CFAP44: variants seen among roughly 807,000 people sequenced by gnomAD.
CFAP44 encodes cilia and flagella associated protein 44.
CFAP44 carries 134 observed loss-of-function variants against 216.2 expected under a neutral mutation model. That is an observed-to-expected ratio of 0.62 (90% CI 0.54 to 0.72). The LOEUF is 0.72. Among genes scored for constraint, CFAP44 ranks in the 30% least tolerant of loss-of-function variants. The pLI, the probability that CFAP44 is intolerant of heterozygous loss-of-function variation, is 0.00. For synonymous variants in CFAP44, 700 were observed against 727.6 expected (o/e 0.96, Z 0.61); for missense variants, 2,035 against 2,182.1 (o/e 0.93, Z 1.34).
chr3:113,354,481 T>A (rs1950476289), intron 22 of CFAP44, among the ~76,000 whole-genome samples: 1 of 152,332 alleles, frequency 6.6e-6, no homozygotes, highest in East Asian at 1.9e-4. Context: ...CCTTTAGGAC[T>A]GTGGGTTGCA....
intron 28 of CFAP44, among the ~76,000 whole-genome samples, chr3:113,317,016 T>A (rs1021377910): frequency 6.6e-6 from 1 of 151,610 alleles, no homozygotes; most frequent in Non-Finnish European, 1.5e-5. Context: ...CAAGAGTGAA[T>A]TGAGAGGCAA....
intron 9 of CFAP44, 150 bp from the exon 10 acceptor site, chr3:113,401,889 C>G (rs972390755): frequency 1.4e-5 from 11 of 760,770 alleles, no homozygotes; most frequent in Non-Finnish European, 1.8e-5. Flanking sequence ...GAACACCAGC[C>G]AAAACCTGAC....
intron 22 of CFAP44, among the ~76,000 whole-genome samples, chr3:113,348,871 G>C (rs6781849): frequency 0.018 from 2,818 of 152,334 alleles, 96 homozygotes; most frequent in African/African-American, 0.064. Context: ...CTCACTTGGA[G>C]AGATGTCATG....
chr3:113,422,136 A>G (rs1934834109), intron 4 of CFAP44, among the ~76,000 whole-genome samples: 1 of 152,232 alleles, frequency 6.6e-6, no homozygotes, highest in East Asian at 1.9e-4. Flanking sequence ...TATGAAAAAA[A>G]CTAGAGCTGA....
intron 8 of CFAP44, among the ~76,000 whole-genome samples, chr3:113,406,400 G>A (rs930025183): frequency 3.3e-5 from 5 of 152,076 alleles, no homozygotes; most frequent in African/African-American, 7.2e-5. Flanking sequence ...CGAGGTGGGC[G>A]GATCACGAGG....
chr3:113,353,453 TACACACACAC>T (rs34714015), intron 22 of CFAP44, among the ~76,000 whole-genome samples: 6,461 of 141,784 alleles, frequency 0.046, 236 homozygotes, highest in Non-Finnish European at 0.051. Context: ...TATGTATGAA[TACACACACAC>T]ACACACACAC....
chr3:113,393,682 A>AT (rs147992303), intron 15 of CFAP44, among the ~76,000 whole-genome samples: 4,348 of 152,128 alleles, frequency 0.029, 110 homozygotes, highest in East Asian at 0.1. Flanking sequence ...TACCTGGCTA[A>AT]TTTTTGTATT....
chr3:113,353,909 A>G (rs7648620), intron 22 of CFAP44, among the ~76,000 whole-genome samples: 14,158 of 152,146 alleles, frequency 0.093, 884 homozygotes, highest in African/African-American at 0.17. Context: ...AAAGGAACAG[A>G]CAGAATAATC....
intron 5 of CFAP44, among the ~76,000 whole-genome samples, chr3:113,418,047 A>G (rs1481742856): frequency 7.5e-6 from 1 of 133,240 alleles, no homozygotes; most frequent in Non-Finnish European, 1.6e-5. Context: ...TTAATTATTT[A>G]TTGAGACACA....
intron 22 of CFAP44, among the ~76,000 whole-genome samples, chr3:113,352,502 G>A (rs1950454564): frequency 6.6e-6 from 1 of 152,160 alleles, no homozygotes; most frequent in South Asian, 2.1e-4. Flanking sequence ...AACACAACAT[G>A]AAGGAAAATA....
intron 18 of CFAP44, among the ~76,000 whole-genome samples, chr3:113,371,824 C>T (rs374184902): frequency 6.6e-6 from 1 of 152,070 alleles, no homozygotes; most frequent in East Asian, 1.9e-4. Flanking sequence ...TTGCAATCTA[C>T]CCATCTGACA....
At chr3:113,413,513 T>TA (rs1317868971) in intron 6 of CFAP44, among the ~76,000 whole-genome samples, 1 of 152,252 alleles carries the variant, frequency 6.6e-6, no homozygotes, top group African/African-American at 2.4e-5. Context: ...ATTTTACATT[T>TA]AAGTCTTTAA....
Position 113,305,110 on chromosome 3 carries a change from G to A in CFAP44, c.4801C>T (p.Leu1601=), listed in dbSNP as rs1949972691. 6.5e-7 allele frequency: 1 copy of A among 1,537,250 alleles called. No individual in the cohort carries two copies. Among genetic ancestry groups the A allele is most frequent in the South Asian group, 1.2e-5 (1 of 84,058 alleles). ...TGCTTCTCTCGCTGATAAGCCTCCA[G>A]GGCCTCCTCTGCTGCATTCAGATTA... ...ATNLNAAEEA[L]EAYQREKQQR... is the part of the protein sequence containing the mutation. Residue 1601 remains leucine, a synonymous_variant, in exon 31 of 35, where the codon CTG becomes TTG. Transcript: ENST00000393845.
In CFAP44 at chr3:113,363,160, C is replaced by T; in HGVS notation, c.2919G>A (p.Met973Ile). The change falls in exon 21 of 35, where the codon ATG becomes ATA. Residue 973 changes from methionine to isoleucine, a missense_variant. Physicochemically the swap from Met to Ile is conservative, Grantham distance 10. Around this residue, in one of 3 missense-constraint regions of CFAP44, gnomAD observed 1,883 missense variants for 2,023.7 expected, o/e 0.93. Transcript: ENST00000393845. Reference sequence around the variant, plus strand: ...TTAGGCTTACTGTTCGTTTAAACTGCATATGCTTTGGTAATTTTTCATTCA... The same window carrying T: ...TTAGGCTTACTGTTCGTTTAAACTGTATATGCTTTGGTAATTTTTCATTCA... ...LEMNEKLPKH[M>I]QFKRTDFDVD... 1.2e-6 allele frequency: 2 copies of T among 1,608,222 alleles called. No individual in the cohort carries two copies. The highest frequency in any genetic ancestry group is 1.1e-5 in the South Asian group (1 of 88,832).
At chr3:113,423,493 G>A (rs1934877646) in intron 4 of CFAP44, among the ~76,000 whole-genome samples, 1 of 151,990 alleles carries the variant, frequency 6.6e-6, no homozygotes, top group African/African-American at 2.4e-5. Context: ...GTAGAGTTCT[G>A]AAAATCTTAA....
chr3:113,438,779 T>A (rs1935292205), intron 1 of CFAP44, among the ~76,000 whole-genome samples: 1 of 152,184 alleles, frequency 6.6e-6, no homozygotes, highest in African/African-American at 2.4e-5. Flanking sequence ...TCTGTGTACT[T>A]CAACCATTCA....
intron 9 of CFAP44, among the ~76,000 whole-genome samples, chr3:113,403,290 G>A (rs1480899456): frequency 6.6e-6 from 1 of 152,176 alleles, no homozygotes; most frequent in Non-Finnish European, 1.5e-5. Flanking sequence ...GAAGAAGTGT[G>A]ACAATAGCAA....
chr3:113,314,441 T>C (rs1194264763), intron 28 of CFAP44, among the ~76,000 whole-genome samples: 1 of 152,038 alleles, frequency 6.6e-6, no homozygotes, highest in African/African-American at 2.4e-5. Flanking sequence ...AAAATGTCTT[T>C]CAAAAAGGGA....
chr3:113,438,304 C>G (rs1257867896), intron 1 of CFAP44, among the ~76,000 whole-genome samples: 2 of 152,174 alleles, frequency 1.3e-5, no homozygotes. Flanking sequence ...TCTCAACATC[C>G]ACCCCAGCAC....
Sources: gnomAD v4.1 joint callset for allele counts (sites outside exome capture counted in the v4.1 genomes callset) on GRCh38, gnomAD v4.1.1 for gene constraint, gnomAD v4.1.1 regional missense constraint, MANE v1.5 for transcripts, NCBI Gene and HGNC (gene_info 2026-07-23, HGNC 2026-07-21) for gene names.